Variants in GRIN2A observed in about 807,000 individuals in gnomAD.
GRIN2A encodes glutamate receptor ionotropic, NMDA 2A.
In GRIN2A, 22 loss-of-function variants were observed where a neutral mutation model predicts 113.4. The ratio of observed to expected loss-of-function variants is 0.19; its 90% CI spans 0.14 to 0.28. GRIN2A has a LOEUF of 0.28. GRIN2A is among the 10% of genes least tolerant of loss of function. The pLI, the probability that GRIN2A is intolerant of heterozygous loss-of-function variation, is 1.00. For synonymous variants in GRIN2A, 827 were observed against 738.4 expected (o/e 1.12, Z -1.94); for missense variants, 1,502 against 1,887.0 (o/e 0.80, Z 3.78).
At chr16:9,929,874 G>C (rs2044548909) in intron 3 of GRIN2A, among the ~76,000 whole-genome samples, 1 of 152,070 alleles carries the variant, frequency 6.6e-6, no homozygotes, top group South Asian at 2.1e-4. Flanking sequence ...CTTTATGTGT[G>C]ACCCCAAAAC....
chr16:10,158,165 C>T (rs1050367721), intron 2 of GRIN2A, among the ~76,000 whole-genome samples: 3 of 151,996 alleles, frequency 2.0e-5, no homozygotes, highest in Admixed American at 6.6e-5. Flanking sequence ...CCAACACACC[C>T]GGCTAATTTT....
intron 2 of GRIN2A, chr16:10,111,691 G>T: frequency 1.3e-6 from 2 of 1,567,072 alleles, no homozygotes; most frequent in African/African-American, 1.3e-5. Flanking sequence ...GGCCAACGAG[G>T]TGCATAAGGT....
chr16:10,087,750 C>T (rs1172630898), intron 2 of GRIN2A, among the ~76,000 whole-genome samples: 1 of 152,074 alleles, frequency 6.6e-6, no homozygotes, highest in Non-Finnish European at 1.5e-5. Flanking sequence ...AGTGCAGTAG[C>T]ATGATCTCAG....
In GRIN2A at chr16:9,947,195, C is replaced by G. The variant is rs186385887; in HGVS notation, c.415-8644G>C. ...CCTTTTTCCTGGGACACCCACCTCT[C>G]TTCACAAATCTCACTTTTCCCTGCA... On this transcript the variant is annotated intron_variant, in intron 2 of 12. Coordinates refer to ENST00000330684, the MANE Select transcript of GRIN2A (RefSeq NM_001134407.3). 1.8e-3 allele frequency among the ~76,000 whole-genome samples: 271 copies of G among 152,312 alleles called. 1 individual carries two copies. The highest frequency in any genetic ancestry group is 6.2e-3 in the African/African-American group (258 of 41,582).
chr16:10,152,643 G>A (rs966649954), intron 2 of GRIN2A, among the ~76,000 whole-genome samples: 6 of 152,038 alleles, frequency 3.9e-5, no homozygotes, highest in Admixed American at 2.6e-4. Context: ...CCACTCTTCC[G>A]CTAGTTAAAT....
chr16:9,941,421 A>C (rs2141644047), intron 2 of GRIN2A, among the ~76,000 whole-genome samples: 1 of 152,362 alleles, frequency 6.6e-6, no homozygotes, highest in East Asian at 1.9e-4. Flanking sequence ...GGAGAAAGAT[A>C]ATTGGAGGGA....
intron 2 of GRIN2A, among the ~76,000 whole-genome samples, chr16:10,109,740 A>T (rs2048575011): frequency 6.6e-6 from 1 of 152,048 alleles, no homozygotes; most frequent in Non-Finnish European, 1.5e-5. Context: ...AAAAATATAT[A>T]ATTGGATCGT....
intron 2 of GRIN2A, among the ~76,000 whole-genome samples, chr16:10,058,998 T>A: frequency 6.6e-6 from 1 of 152,158 alleles, no homozygotes; most frequent in East Asian, 1.9e-4. Flanking sequence ...GTACCCATGA[T>A]GAACACATTA....
At chr16:9,808,319 C>T (rs2042020248) in intron 10 of GRIN2A, among the ~76,000 whole-genome samples, 1 of 152,086 alleles carries the variant, frequency 6.6e-6, no homozygotes, top group South Asian at 2.1e-4. Context: ...TCCAAGGTCC[C>T]AACACTGGAT....
At chr16:9,979,234 C>T (rs1443460276) in intron 2 of GRIN2A, among the ~76,000 whole-genome samples, 1 of 152,180 alleles carries the variant, frequency 6.6e-6, no homozygotes, top group Non-Finnish European at 1.5e-5. Flanking sequence ...AGAGGGTTGC[C>T]TCAGTTGCCT....
intron 5 of GRIN2A, among the ~76,000 whole-genome samples, chr16:9,846,238 G>GACT (rs2042770030): frequency 6.6e-6 from 1 of 152,046 alleles, no homozygotes; most frequent in East Asian, 1.9e-4. Context: ...GAGGCTGGGG[G>GACT]ACTGCTTATC....
At chr16:9,808,447 C>G (rs929522000) in intron 10 of GRIN2A, among the ~76,000 whole-genome samples, 3 of 152,128 alleles carry the variant, frequency 2.0e-5, no homozygotes, top group African/African-American at 4.8e-5. Flanking sequence ...CAGGGACTCT[C>G]AGGGGCCAGA....
chr16:9,968,314 A>T (rs963179976), intron 2 of GRIN2A, among the ~76,000 whole-genome samples: 5 of 151,894 alleles, frequency 3.3e-5, no homozygotes, highest in Admixed American at 2.0e-4. Context: ...GTATACATGT[A>T]CGTATGTATG....
intron 2 of GRIN2A, among the ~76,000 whole-genome samples, chr16:10,087,032 G>T (rs1197269377): frequency 2.0e-5 from 3 of 152,184 alleles, no homozygotes; most frequent in African/African-American, 7.2e-5. Flanking sequence ...ACAAGGAGTG[G>T]AGGAGAAGCT....
rs75726769 is a variant in GRIN2A, at chr16:10,086,769, G to C, written c.414+93229C>G. Among the ~76,000 whole-genome samples, 1,385 of 152,298 alleles carry C rather than the reference G, an allele frequency of 9.1e-3. 22 individuals carry two copies. The highest frequency in any genetic ancestry group is 0.031 in the African/African-American group (1,283 of 41,548). On this transcript the variant is annotated intron_variant, in intron 2 of 12. Coordinates refer to ENST00000330684, the MANE Select transcript of GRIN2A (RefSeq NM_001134407.3). ...AGGCTAATCCACAGACCTCGGGGAA[G>C]AGCAAGCCGCAGTGCTAGGCTGCCA...
chr16:9,979,555 C>T (rs11074516), intron 2 of GRIN2A, among the ~76,000 whole-genome samples: 101,846 of 151,776 alleles, frequency 0.67, 34,961 homozygotes, highest in African/African-American at 0.74. Context: ...TCAGTCTTCA[C>T]CACAGCTCTG....
At chr16:9,971,985 A>G (rs2045680165) in intron 2 of GRIN2A, among the ~76,000 whole-genome samples, 1 of 148,332 alleles carries the variant, frequency 6.7e-6, no homozygotes, top group Non-Finnish European at 1.5e-5. Context: ...ATCTAGTGGA[A>G]GAGCCAACCT....
rs1344733439 is a variant in GRIN2A, at chr16:9,969,428, T to G, written c.415-30877A>C. Among the ~76,000 whole-genome samples the G allele has an allele frequency of 2.0e-5, 3 of 152,324 alleles. No homozygotes were observed. The East Asian group carries it at 5.8e-4, about 29-fold the overall frequency. ...GTTGCATCCATTGTTCCTCACTGGG[T>G]ACATCATTTACTTGGACATTTTATC... On this transcript the variant is annotated intron_variant, in intron 2 of 12. Transcript: ENST00000330684.
In GRIN2A at chr16:10,071,467, G is replaced by C. The variant is rs114441779; in HGVS notation, c.414+108531C>G. Among the ~76,000 whole-genome samples, 1,480 of 152,306 alleles carry C rather than the reference G, an allele frequency of 9.7e-3. 31 individuals are homozygous for C. The highest frequency in any genetic ancestry group is 0.034 in the African/African-American group (1,403 of 41,554). Reference sequence around the variant, plus strand: ...ATTTGGGCATGTATCTCTTCTGGTTGTCCTGATTATGTAAGTCCCTTCTTC... The same window carrying C: ...ATTTGGGCATGTATCTCTTCTGGTTCTCCTGATTATGTAAGTCCCTTCTTC... On this transcript the variant is annotated intron_variant, in intron 2 of 12. Coordinates refer to ENST00000330684, the MANE Select transcript of GRIN2A (RefSeq NM_001134407.3).
Sources: allele counts gnomAD v4.1 joint callset (sites outside exome capture counted in the v4.1 genomes callset), GRCh38; gene constraint gnomAD v4.1.1; transcripts MANE v1.5; gene names NCBI Gene and HGNC (gene_info 2026-07-23, HGNC 2026-07-21).